ZFAND3: variants seen among roughly 807,000 people sequenced by gnomAD.
ZFAND3 encodes the protein zinc finger AN1-type containing 3, also known as AN1-type zinc finger protein 3.
Under a neutral mutation model 29.6 loss-of-function variants are expected in ZFAND3, and 10 were observed. The ratio of observed to expected loss-of-function variants is 0.34; its 90% CI spans 0.21 to 0.57. The LOEUF is 0.57. Among genes scored for constraint, ZFAND3 ranks in the 20% least tolerant of loss-of-function variants. The probability of loss-of-function intolerance (pLI) is 0.86; values close to 1 mark genes in which losing one functional copy is unlikely to be tolerated. For missense variants in ZFAND3, 230 were observed against 304.5 expected (o/e 0.76, Z 1.82); for synonymous variants, 128 against 112.6 (o/e 1.14, Z -0.87).
intron 1 of ZFAND3, among the ~76,000 whole-genome samples, chr6:37,921,816 C>T (rs1158128111): frequency 6.7e-6 from 1 of 149,532 alleles, no homozygotes; most frequent in Non-Finnish European, 1.5e-5. Context: ...GTGGCTGAGG[C>T]AGGTAGATTG....
At chr6:38,082,703 A>G (rs1209527060) in intron 4 of ZFAND3, among the ~76,000 whole-genome samples, 1 of 152,148 alleles carries the variant, frequency 6.6e-6, no homozygotes, top group Non-Finnish European at 1.5e-5. Flanking sequence ...ATAATTTCTA[A>G]TATCTGAAGA....
intron 2 of ZFAND3, among the ~76,000 whole-genome samples, chr6:37,971,800 G>A (rs1022537312): frequency 2.0e-5 from 3 of 146,880 alleles, no homozygotes; most frequent in African/African-American, 7.6e-5. Flanking sequence ...ACCAGTCTGG[G>A]CAAAATAGTG....
chr6:37,955,336 A>G (rs1320161439), intron 2 of ZFAND3, among the ~76,000 whole-genome samples: 1 of 152,186 alleles, frequency 6.6e-6, no homozygotes, highest in African/African-American at 2.4e-5. Flanking sequence ...AGGAAAGCTA[A>G]AAGATATGTT....
intron 4 of ZFAND3, among the ~76,000 whole-genome samples, chr6:38,086,953 A>G (rs539338086): frequency 2.6e-5 from 4 of 152,350 alleles, no homozygotes; most frequent in East Asian, 1.9e-4. Context: ...CTACAGAGCT[A>G]TACTAACCAG....
chr6:37,962,851 A>G (rs1403230126), intron 2 of ZFAND3, among the ~76,000 whole-genome samples: 1 of 152,202 alleles, frequency 6.6e-6, no homozygotes, highest in Non-Finnish European at 1.5e-5. Context: ...TTGGGTCCGC[A>G]CTGCCTTTAA....
intron 1 of ZFAND3, among the ~76,000 whole-genome samples, chr6:37,902,334 G>A (rs1206949042): frequency 6.6e-6 from 1 of 151,992 alleles, no homozygotes; most frequent in Non-Finnish European, 1.5e-5. Context: ...GGGCATAGTG[G>A]CACATCCCTG....
intron 1 of ZFAND3, among the ~76,000 whole-genome samples, chr6:37,925,164 A>G (rs915654656): frequency 6.6e-6 from 1 of 152,158 alleles, no homozygotes; most frequent in African/African-American, 2.4e-5. Flanking sequence ...AGAAAATAAC[A>G]CGCTCCAACT....
At chr6:37,940,665 A>G (rs1395608791) in intron 2 of ZFAND3, among the ~76,000 whole-genome samples, 8 of 152,366 alleles carry the variant, frequency 5.3e-5, no homozygotes, top group Non-Finnish European at 1.0e-4. Flanking sequence ...GTGATGGCAG[A>G]AGGCCAAGCA....
At chr6:38,025,865 T>G (rs1763437519) in intron 2 of ZFAND3, among the ~76,000 whole-genome samples, 1 of 152,210 alleles carries the variant, frequency 6.6e-6, no homozygotes, top group Non-Finnish European at 1.5e-5. Context: ...GAGCTGCCGG[T>G]GGGAGTTGTC....
intron 2 of ZFAND3, among the ~76,000 whole-genome samples, chr6:38,044,687 C>G (rs1763862457): frequency 6.6e-6 from 1 of 152,164 alleles, no homozygotes; most frequent in Non-Finnish European, 1.5e-5. Context: ...TAGTTTTTCC[C>G]TTGAGTTTGC....
At chr6:38,123,992 C>G (rs1341362527) in intron 5 of ZFAND3, among the ~76,000 whole-genome samples, 4 of 152,126 alleles carry the variant, frequency 2.6e-5, no homozygotes. Context: ...TGCTTTTATT[C>G]TCTTATCTGG....
intron 1 of ZFAND3, among the ~76,000 whole-genome samples, chr6:37,884,924 T>G (rs1764962431): frequency 6.6e-6 from 1 of 152,216 alleles, no homozygotes; most frequent in African/African-American, 2.4e-5. Context: ...ATATTTTCCC[T>G]CCACCTTCAA....
chr6:37,977,774 T>TG (rs1762506201), intron 2 of ZFAND3, among the ~76,000 whole-genome samples: 1 of 144,586 alleles, frequency 6.9e-6, no homozygotes, highest in Non-Finnish European at 1.5e-5. Context: ...TGCTGAGTTT[T>TG]TTGTTTTTTT....
chr6:38,137,560 C>T (rs79353150), intron 5 of ZFAND3, among the ~76,000 whole-genome samples: 1 of 152,176 alleles, frequency 6.6e-6, no homozygotes, highest in Non-Finnish European at 1.5e-5. Flanking sequence ...AGTCCCTGAC[C>T]TCTTGGTGCT....
chr6:37,868,690 TAAC>T (rs1764634773), intron 1 of ZFAND3, among the ~76,000 whole-genome samples: 1 of 152,236 alleles, frequency 6.6e-6, no homozygotes, highest in Admixed American at 6.5e-5. Flanking sequence ...TGAGTTGTTT[TAAC>T]AACCTTACAT....
intron 3 of ZFAND3, among the ~76,000 whole-genome samples, chr6:38,064,076 C>G (rs951921207): frequency 6.6e-6 from 1 of 152,068 alleles, no homozygotes; most frequent in Non-Finnish European, 1.5e-5. Flanking sequence ...GCCTCTTGTC[C>G]TAGAAAAATA....
chr6:37,963,316 C>T (rs1243261995), intron 2 of ZFAND3, among the ~76,000 whole-genome samples: 1 of 152,162 alleles, frequency 6.6e-6, no homozygotes, highest in Non-Finnish European at 1.5e-5. Context: ...GGAAACACAA[C>T]ATACCCAAAC....
chr6:37,823,092 G>C (rs1763695984), intron 1 of ZFAND3, among the ~76,000 whole-genome samples: 1 of 152,196 alleles, frequency 6.6e-6, no homozygotes, highest in African/African-American at 2.4e-5. Flanking sequence ...TGGTTCTTGA[G>C]AATGGCTTGG....
chr6:37,864,785 G>A (rs949376280), intron 1 of ZFAND3, among the ~76,000 whole-genome samples: 30 of 149,446 alleles, frequency 2.0e-4, no homozygotes, highest in Admixed American at 4.0e-4. Flanking sequence ...ACACATACAC[G>A]CACACTCTCA....
Sources: allele counts gnomAD v4.1 joint callset (sites outside exome capture counted in the v4.1 genomes callset), GRCh38; gene constraint gnomAD v4.1.1; transcripts MANE v1.5; gene names NCBI Gene and HGNC (gene_info 2026-07-23, HGNC 2026-07-21).